The following ACBD5 variants were observed in gnomAD, a reference collection of about 807,000 sequenced individuals.
ACBD5 encodes acyl-CoA-binding domain-containing protein 5.
ACBD5 carries 40 observed loss-of-function variants against 71.8 expected under a neutral mutation model. The ratio of observed to expected loss-of-function variants is 0.56; its 90% CI spans 0.43 to 0.72. The LOEUF (loss-of-function observed/expected upper bound fraction) is 0.72, where lower values mean the gene tolerates loss of function less well. Among genes scored for constraint, ACBD5 ranks in the 30% least tolerant of loss-of-function variants. ACBD5 has a pLI of 0.00. For synonymous variants in ACBD5, 229 were observed against 218.6 expected, an observed-to-expected ratio of 1.05 and a Z score of -0.42; for missense variants, 559 against 644.5, an observed-to-expected ratio of 0.87 and a Z score of 1.44.
intron 2 of ACBD5, among the ~76,000 whole-genome samples, chr10:27,238,559 T>A (rs998954907): frequency 2.0e-5 from 3 of 152,212 alleles, no homozygotes; most frequent in East Asian, 1.9e-4. Flanking sequence ...CTTTTTTTTA[T>A]ATTTTATTTG....
At chr10:27,202,434 C>T (rs788202) in intron 12 of ACBD5, among the ~76,000 whole-genome samples, 27,283 of 152,094 alleles carry the variant, frequency 0.18, 2,990 homozygotes, top group East Asian at 0.29. Flanking sequence ...AATAGGAAAG[C>T]GTTTCTCCAT....
rs991483425 is a variant in ACBD5, at chr10:27,236,653, C to T, written c.182-1441G>A. 2.6e-5 allele frequency among the ~76,000 whole-genome samples: 4 copies of T among 151,976 alleles called. 1 individual carries two copies. The highest frequency in any genetic ancestry group is 2.6e-4 in the Admixed American group (4 of 15,246). On this transcript the variant is annotated intron_variant, in intron 2 of 12. Coordinates refer to ENST00000396271, the MANE Select transcript of ACBD5 (RefSeq NM_145698.5). ...CCTGTAATCCTAGCACTTTGGGAGG[C>T]CGAGGCAGGCGGATCACCGGAGGTC...
At chr10:27,199,671 T>A (rs1040263349) in intron 12 of ACBD5, among the ~76,000 whole-genome samples, 1 of 152,118 alleles carries the variant, frequency 6.6e-6, no homozygotes, top group Non-Finnish European at 1.5e-5. Flanking sequence ...TGGAGAATAA[T>A]CCTCCTGAGA....
At chr10:27,194,612 A>AAATAATAATAAAAT (rs2059229073), downstream of ACBD5, among the ~76,000 whole-genome samples, 1 of 135,592 alleles carries the variant, frequency 7.4e-6, no homozygotes, top group East Asian at 2.1e-4. Flanking sequence ...ACTCCATCTC[A>AAATAATAATAAAAT]AATAATAATA....
intron 2 of ACBD5, among the ~76,000 whole-genome samples, chr10:27,236,947 G>C (rs1194897283): frequency 6.7e-6 from 1 of 149,236 alleles, no homozygotes; most frequent in Non-Finnish European, 1.5e-5. Flanking sequence ...CTGAGAACTA[G>C]TGTTTCAGGT....
intron 5 of ACBD5, among the ~76,000 whole-genome samples, chr10:27,221,365 T>A (rs7910765): frequency 6.6e-6 from 1 of 152,098 alleles, no homozygotes; most frequent in Non-Finnish European, 1.5e-5. Context: ...CTCCCCAGAT[T>A]TTTAGTTCAT....
chr10:27,215,445 T>C (rs2061517719), intron 8 of ACBD5, 90 bp downstream of exon 8: 1 of 820,744 alleles, frequency 1.2e-6, no homozygotes, highest in Non-Finnish European at 2.0e-6. Context: ...AAATGAAAAA[T>C]AGCATGTATA....
intron 2 of ACBD5, among the ~76,000 whole-genome samples, chr10:27,237,714 G>A (rs1028157087): frequency 6.9e-6 from 1 of 144,030 alleles, no homozygotes; most frequent in African/African-American, 2.5e-5. Flanking sequence ...TCCGCCTCCC[G>A]AGTTCAAGCG....
intron 10 of ACBD5, among the ~76,000 whole-genome samples, chr10:27,206,709 T>A (rs1455663854): frequency 1.3e-5 from 2 of 151,808 alleles, no homozygotes; most frequent in East Asian, 4.0e-4. Context: ...AGAGATGGGG[T>A]TTCACCATGC....
At chr10:27,186,088 C>CA (rs144666387) in intron 13 of ACBD5, among the ~76,000 whole-genome samples, 15,265 of 150,770 alleles carry the variant, frequency 0.1, 2,505 homozygotes, top group African/African-American at 0.35. Context: ...GACCTCGTCT[C>CA]AAAAAAAAAG....
chr10:27,189,690 C>T (rs1430097515), intron 13 of ACBD5, among the ~76,000 whole-genome samples: 1 of 151,182 alleles, frequency 6.6e-6, no homozygotes, highest in Non-Finnish European at 1.5e-5. Flanking sequence ...GGGTGCAGCA[C>T]ACCAACATGG....
intron 13 of ACBD5, chr10:27,186,813 T>A (rs1165843272): frequency 2.4e-6 from 1 of 422,350 alleles, no homozygotes; most frequent in Non-Finnish European, 4.4e-6. Flanking sequence ...ATCAATAAAA[T>A]TAGAGGACAC....
chr10:27,187,718 T>C (rs6482602), intron 13 of ACBD5, among the ~76,000 whole-genome samples: 103,041 of 151,048 alleles, frequency 0.68, 35,314 homozygotes, highest in Non-Finnish European at 0.7. Context: ...CATCACTGCA[T>C]TTCAGCCTGG....
At chr10:27,199,047 T>G (rs948017372) in intron 12 of ACBD5, among the ~76,000 whole-genome samples, 3 of 151,526 alleles carry the variant, frequency 2.0e-5, no homozygotes, top group African/African-American at 7.3e-5. Flanking sequence ...AGGCGGAGGT[T>G]GCAGTGAGCT....
chr10:27,185,164 T>C (rs146226686), intron 13 of ACBD5, among the ~76,000 whole-genome samples: 1 of 152,282 alleles, frequency 6.6e-6, no homozygotes, highest in Non-Finnish European at 1.5e-5. Flanking sequence ...GTGAGCTTCA[T>C]GCTAAAGCTG....
chr10:27,232,473 C>A (rs1044644305), intron 3 of ACBD5, among the ~76,000 whole-genome samples: 1 of 151,840 alleles, frequency 6.6e-6, no homozygotes, highest in African/African-American at 2.4e-5. Flanking sequence ...GGATTACAGG[C>A]ATGCACCCCC....
intron 2 of ACBD5, among the ~76,000 whole-genome samples, chr10:27,239,704 G>A (rs117847106): frequency 0.017 from 2,516 of 152,052 alleles, 146 homozygotes; most frequent in South Asian, 0.16. Flanking sequence ...TAGACCCTAT[G>A]AGTGTGTGGC....
rs1458983066 is a variant in ACBD5 at position 27,240,432 on chromosome 10, T to G, written c.68A>C (p.Asp23Ala). The change falls in exon 2 of 13, where the codon GAC becomes GCC. Residue 23 changes from aspartate to alanine, a missense_variant. Transcript: ENST00000396271. The surrounding 1 kb of genome is among the most constrained non-coding windows in gnomAD (Gnocchi z 4.1). ...GTGTTGGCCCCGGTCCCAAGGTCTG[T>G]CGGCGGGAATCAGGCAGCAGCAGCA... ...SWCCCCLIPA[D>A]RPWDRGQHWQ... is the part of the protein sequence containing the mutation. 2 of 1,614,010 alleles carry G rather than the reference T, an allele frequency of 1.2e-6. No individual in the cohort carries two copies. Among genetic ancestry groups the G allele is most frequent in the African/African-American group, 1.3e-5 (1 of 74,990 alleles).
In ACBD5 at chr10:27,188,872, G is replaced by A. The variant is rs142997242; in HGVS notation, c.1494-6157C>T. On this transcript the variant is annotated intron_variant, in intron 13 of 13. Transcript: ENST00000676511. ...ATGCACGTCTTTAAAAAACACCAAC[G>A]GCCACCAATAGAAATCCACTCATCT... 3.3e-3 allele frequency among the ~76,000 whole-genome samples: 509 copies of A among 152,200 alleles called. 2 individuals are homozygous for A. The highest frequency in any genetic ancestry group is 0.012 in the African/African-American group (479 of 41,552).
Sources: gnomAD v4.1 joint callset for allele counts (sites outside exome capture counted in the v4.1 genomes callset) on GRCh38, gnomAD v4.1.1 for gene constraint, Gnocchi (gnomAD v3.1) non-coding constraint, MANE v1.5 for transcripts, NCBI Gene and HGNC (gene_info 2026-07-23, HGNC 2026-07-21) for gene names.